OTUB1: variants seen among roughly 807,000 people sequenced by gnomAD.
OTUB1 encodes OTU deubiquitinase, ubiquitin aldehyde binding 1.
A neutral mutation model predicts 35.8 loss-of-function variants in OTUB1; 10 were observed. That is an observed-to-expected ratio of 0.28 (90% CI 0.17 to 0.47). The LOEUF is 0.47. OTUB1 is among the 20% of genes least tolerant of loss of function. The pLI is 0.99. For missense variants in OTUB1, 264 were observed against 351.6 expected (o/e 0.75, Z 1.99); for synonymous variants, 158 against 143.8 (o/e 1.10, Z -0.71).
intron 3 of OTUB1, chr11:63,990,106 G>C (rs149286365): frequency 0.016 from 2,504 of 152,238 alleles, 35 homozygotes; most frequent in Middle Eastern, 0.048. Context: ...GTGCCCATAC[G>C]GGGGCTGACC....
chr11:63,997,371 A>G lies in OTUB1; in HGVS notation c.641A>G (p.Glu214Gly). 2 of 1,614,066 alleles carry G rather than the reference A, an allele frequency of 1.2e-6. No individual in the cohort carries two copies. Among genetic ancestry groups the G allele is most frequent in the Non-Finnish European group, 1.7e-6 (2 of 1,180,002 alleles). ...CQQEVEPMCKESDHIHIIALA... is the reference protein window; with the variant it reads ...CQQEVEPMCKGSDHIHIIALA... ...CAGGAGGTGGAGCCCATGTGCAAGG[A>G]GAGCGACCACATCCACATCATTGCG... Residue 214 changes from glutamate to glycine, a missense_variant, in exon 7 of 7, where the codon GAG (glutamate) becomes GGG (glycine). By Grantham distance (98) the Glu-to-Gly change is moderately conservative. Coordinates refer to ENST00000538426, the MANE Select transcript of OTUB1 (RefSeq NM_017670.3).
At chr11:63,993,596 G>A (rs1338803516) in intron 3 of OTUB1, among the ~76,000 whole-genome samples, 1 of 151,784 alleles carries the variant, frequency 6.6e-6, no homozygotes. Context: ...CCCGGAAGGC[G>A]GAGGTTGCAG....
chr11:63,996,550 G>A lies in OTUB1; in HGVS notation c.240G>A (p.Ser80=), dbSNP rs374294531. The A allele has an allele frequency of 1.6e-5, 26 of 1,614,084 alleles. No homozygotes were observed. The highest frequency in any genetic ancestry group is 1.1e-4 in the African/African-American group (8 of 74,938). The change falls in exon 4 of 7, where the codon TCG becomes TCA. Residue 80 remains serine (S), a synonymous_variant. Transcript: ENST00000538426. ...CGCAGGACCTCCACAAAAAGTACTC[G>A]TACATCCGCAAGACCAGGCCTGACG... ...QKIKDLHKKY[S]YIRKTRPDGN... is the part of the protein sequence containing the mutation.
chr11:63,988,001 G>C (rs1267509526), intron 1 of OTUB1, among the ~76,000 whole-genome samples: 2 of 152,194 alleles, frequency 1.3e-5, no homozygotes, highest in Non-Finnish European at 2.9e-5. Flanking sequence ...TGACACACTT[G>C]AGGTGGAGCA....
At chr11:63,996,693 C>T in intron 4 of OTUB1, 45 bp downstream of exon 4, 2 of 1,613,940 alleles carry the variant, frequency 1.2e-6, no homozygotes, top group Non-Finnish European at 1.7e-6. Flanking sequence ...GGGTGTCTAC[C>T]TCCTCCCCGG....
intron 3 of OTUB1, among the ~76,000 whole-genome samples, chr11:63,995,120 G>A (rs996982827): frequency 1.3e-5 from 2 of 151,770 alleles, no homozygotes; most frequent in African/African-American, 2.4e-5. Flanking sequence ...CTGTAGCCTC[G>A]ACCTCCTGGG....
rs762246180 is a variant in OTUB1 at position 63,996,799 on chromosome 11, TG to T, written c.339-56del. 3 of 1,611,338 alleles carry T rather than the reference TG, an allele frequency of 1.9e-6. No homozygotes were observed. In the Admixed American group the frequency reaches 5.0e-5, roughly 27 times the overall value. ...AGGCGGGGCAGTGCTGTCTCGGCCC[TG>T]GCGTCTGGGCTGGTCGAGGAGCCCA... On this transcript the variant is annotated intron_variant, in intron 4 of 6. Transcript: ENST00000538426.
At position 63,997,663 on chromosome 11, in the gene OTUB1, A is replaced by C. The variant is rs1474653404; in HGVS notation, c.*117A>C. ...TTCACCCCCTTCTTCCTGTCACATG[A>C]CCCCCCCCCATGTTTTATTAAAGGG... is the stretch of plus-strand genomic sequence containing the variant. On this transcript the variant is annotated 3_prime_UTR_variant, in exon 7 of 7. Transcript: ENST00000538426. 20 of 784,024 alleles carry C rather than the reference A, an allele frequency of 2.6e-5. No individual in the cohort carries two copies. The highest frequency in any genetic ancestry group is 2.5e-4 in the African/African-American group (14 of 55,092). 48.6% of individuals were successfully genotyped at this position (784,024 alleles called of 1,614,324 possible).
chr11:63,990,390 C>G (rs1942660387), intron 3 of OTUB1: 1 of 151,870 alleles, frequency 6.6e-6, no homozygotes, highest in Non-Finnish European at 1.5e-5. Context: ...TCGCTTGAGC[C>G]CAGGAGTTCA....
rs528607400 is a variant in OTUB1, at chr11:63,997,778, C to T, written c.*232C>T. 6 of 700,962 alleles carry T rather than the reference C, an allele frequency of 8.6e-6. No homozygotes were observed. In the Admixed American group the frequency reaches 1.0e-4, roughly 12 times the overall value. 43.4% of individuals were successfully genotyped at this position (700,962 alleles called of 1,614,324 possible). On this transcript the variant is annotated 3_prime_UTR_variant, in exon 7 of 7. Transcript: ENST00000538426. Reference sequence around the variant, plus strand: ...TGCCCCCTCCCCCCAGGTGGGTCCCCCTGCTTTTCACCTATCTACTCCTGA... The same window carrying T: ...TGCCCCCTCCCCCCAGGTGGGTCCCTCTGCTTTTCACCTATCTACTCCTGA...
At chr11:63,994,639 G>A (rs1942701089) in intron 3 of OTUB1, among the ~76,000 whole-genome samples, 2 of 152,242 alleles carry the variant, frequency 1.3e-5, no homozygotes, top group Admixed American at 1.3e-4. Flanking sequence ...AGCTTAGAGA[G>A]ATGAGGAGTG....
rs1942739453 is a variant in OTUB1, at chr11:63,997,800, C to T, written c.*254C>T. On this transcript the variant is annotated 3_prime_UTR_variant, in exon 7 of 7. Coordinates refer to ENST00000538426, the MANE Select transcript of OTUB1 (RefSeq NM_017670.3). ...CCCCCTGCTTTTCACCTATCTACTC[C>T]TGAGCTTCCCCAACAGGAGCAGGTT... 4.3e-6 allele frequency: 3 copies of T among 700,100 alleles called. No individual in the cohort carries two copies. Among genetic ancestry groups the T allele is most frequent in the Non-Finnish European group, 7.8e-6 (3 of 384,582 alleles). The allele number at this position is 700,100 out of a possible 1,614,324, so 43.4% of individuals were successfully genotyped here.
At chr11:63,990,876 A>G (rs1335787248) in intron 3 of OTUB1, among the ~76,000 whole-genome samples, 2 of 152,176 alleles carry the variant, frequency 1.3e-5, no homozygotes, top group African/African-American at 4.8e-5. Flanking sequence ...GGGAGTGTCC[A>G]TACCATTGTC....
intron 1 of OTUB1, 105 bp downstream of exon 1, chr11:63,986,619 G>C: frequency 1.1e-6 from 1 of 936,746 alleles, no homozygotes; most frequent in Non-Finnish European, 1.6e-6. Context: ...CTGGGGTCGA[G>C]GTGCGCGAGG....
At position 63,996,544 on chromosome 11, in the gene OTUB1, G is replaced by A; in HGVS notation, c.234G>A (p.Lys78=). 1 of 1,614,192 alleles carries A rather than the reference G, an allele frequency of 6.2e-7. No homozygotes were observed. The highest frequency in any genetic ancestry group is 8.5e-7 in the Non-Finnish European group (1 of 1,180,022). The change falls in exon 4 of 7, where the codon AAG becomes AAA. Residue 78 remains lysine, a synonymous_variant. Coordinates refer to ENST00000538426, the MANE Select transcript of OTUB1 (RefSeq NM_017670.3). ...YQQKIKDLHK[K]YSYIRKTRPD... is the part of the protein sequence containing the mutation. ...TGTCTCCGCAGGACCTCCACAAAAA[G>A]TACTCGTACATCCGCAAGACCAGGC...
intron 3 of OTUB1, among the ~76,000 whole-genome samples, chr11:63,991,779 G>C (rs1353258171): frequency 7.9e-5 from 12 of 152,208 alleles, no homozygotes; most frequent in Admixed American, 7.9e-4. Context: ...TCCAGGCGCT[G>C]TTCTAGGTAC....
chr11:63,997,330 A>AC lies in OTUB1; in HGVS notation c.619-17dup, dbSNP rs772425724. On this transcript the variant is annotated intron_variant, in intron 6 of 6. Transcript: ENST00000538426. ...GGCGGGGTGCGGAGACCAGGGCCTGACCGGCACCTGTGCCACAGGAGGTGG... is the reference window on the plus strand; with the variant it reads ...GGCGGGGTGCGGAGACCAGGGCCTGACCCGGCACCTGTGCCACAGGAGGTGG... 1.9e-6 allele frequency: 3 copies of AC among 1,613,696 alleles called. No homozygotes were observed. The highest frequency in any genetic ancestry group is 2.5e-6 in the Non-Finnish European group (3 of 1,179,808).
In OTUB1 at chr11:63,997,426, G is replaced by A; in HGVS notation, c.696G>A (p.Gln232=). 6.2e-7 allele frequency: 1 copy of A among 1,614,114 alleles called. No individual in the cohort carries two copies. Among genetic ancestry groups the A allele is most frequent in the Non-Finnish European group, 8.5e-7 (1 of 1,179,996 alleles). ...CCCAGGCCCTCAGCGTGTCCATCCA[G>A]GTGGAGTACATGGACCGCGGCGAGG... is the stretch of plus-strand genomic sequence containing the variant. ...ALAQALSVSI[Q]VEYMDRGEGG... Residue 232 remains glutamine, a synonymous_variant, in exon 7 of 7, where the codon CAG becomes CAA. Transcript: ENST00000538426.
At chr11:63,997,296 A>G in intron 6 of OTUB1, 52 bp downstream of exon 6, 1 of 1,611,088 alleles carries the variant, frequency 6.2e-7, no homozygotes, top group Non-Finnish European at 8.5e-7. Context: ...GTGGGCCCAC[A>G]GGGCCTGGGG....
Sources: allele counts gnomAD v4.1 joint callset (sites outside exome capture counted in the v4.1 genomes callset), GRCh38; gene constraint gnomAD v4.1.1; transcripts MANE v1.5; gene names NCBI Gene and HGNC (gene_info 2026-07-23, HGNC 2026-07-21).